The following CDH12 variants were observed in gnomAD, a reference collection of about 807,000 sequenced individuals.
CDH12 encodes the protein cadherin-12.
Under a neutral mutation model 74.1 loss-of-function variants are expected in CDH12, and 41 were observed. The ratio of observed to expected loss-of-function variants is 0.55; its 90% confidence interval spans 0.43 to 0.72. The LOEUF is 0.72. CDH12 is among the 30% of genes least tolerant of loss of function. CDH12 has a pLI of 0.00. For synonymous variants in CDH12, 399 were observed against 355.0 expected (o/e 1.12, Z -1.39); for missense variants, 945 against 977.2 (o/e 0.97, Z 0.44).
At chr5:22,206,298 C>T (rs1297316400) in intron 4 of CDH12, among the ~76,000 whole-genome samples, 2 of 152,084 alleles carry the variant, frequency 1.3e-5, no homozygotes, top group Non-Finnish European at 2.9e-5. Context: ...AAAAAAGATC[C>T]CCAGATAACT....
chr5:22,271,041 C>A (rs933854940), intron 3 of CDH12, among the ~76,000 whole-genome samples: 11 of 152,186 alleles, frequency 7.2e-5, no homozygotes, highest in African/African-American at 2.2e-4. Context: ...TTTTTATATA[C>A]CTTTTTTAAT....
At chr5:21,892,270 T>C (rs981761717) in intron 6 of CDH12, among the ~76,000 whole-genome samples, 7 of 152,168 alleles carry the variant, frequency 4.6e-5, no homozygotes, top group Non-Finnish European at 7.4e-5. Context: ...GGTTTAGTCA[T>C]GTAGATGTTC....
intron 6 of CDH12, among the ~76,000 whole-genome samples, chr5:21,909,383 G>A (rs1389054272): frequency 1.3e-5 from 2 of 152,084 alleles, no homozygotes; most frequent in Non-Finnish European, 2.9e-5. Context: ...GATGCATGAA[G>A]GTAAATCTGA....
At chr5:22,466,260 G>A (rs983651499) in intron 2 of CDH12, among the ~76,000 whole-genome samples, 4 of 152,038 alleles carry the variant, frequency 2.6e-5, no homozygotes, top group Non-Finnish European at 5.9e-5. Context: ...TTTCTCCTTC[G>A]GAATAACAGG....
intron 4 of CDH12, among the ~76,000 whole-genome samples, chr5:22,107,296 T>A (rs1207548088): frequency 7.1e-6 from 1 of 141,282 alleles, no homozygotes; most frequent in East Asian, 2.6e-4. Context: ...CATGCCTGGC[T>A]AATTTTTTTA....
chr5:22,345,355 T>C (rs1211548414), intron 3 of CDH12, among the ~76,000 whole-genome samples: 2 of 152,186 alleles, frequency 1.3e-5, no homozygotes, highest in Non-Finnish European at 2.9e-5. Context: ...AAATTTAATG[T>C]GTAAAGTTCT....
chr5:22,545,800 G>A (rs1738298339), intron 1 of CDH12, among the ~76,000 whole-genome samples: 1 of 152,030 alleles, frequency 6.6e-6, no homozygotes, highest in African/African-American at 2.4e-5. Context: ...TAACTGCTAA[G>A]TACAAGGTGA....
chr5:22,523,987 T>A (rs201804085), intron 1 of CDH12, among the ~76,000 whole-genome samples: 25,389 of 143,582 alleles, frequency 0.18, 2,709 homozygotes, highest in East Asian at 0.37. Context: ...TATTATTTTT[T>A]TTTTTTTTTT....
intron 2 of CDH12, among the ~76,000 whole-genome samples, chr5:22,428,572 C>T (rs1385937639): frequency 5.3e-5 from 8 of 152,034 alleles, no homozygotes; most frequent in African/African-American, 9.7e-5. Flanking sequence ...ACTAGATCAA[C>T]GACAGTGATA....
intron 2 of CDH12, among the ~76,000 whole-genome samples, chr5:22,430,411 T>A (rs1327793735): frequency 6.6e-6 from 1 of 152,176 alleles, no homozygotes; most frequent in East Asian, 1.9e-4. Flanking sequence ...AAATCACATA[T>A]AAATATTTGG....
chr5:22,427,885 A>C (rs1196322810), intron 2 of CDH12, among the ~76,000 whole-genome samples: 1 of 139,340 alleles, frequency 7.2e-6, no homozygotes, highest in Non-Finnish European at 1.5e-5. Context: ...AGCTTCACCC[A>C]AAAAAAAGTC....
At chr5:22,152,598 G>A (rs1391474153) in intron 4 of CDH12, among the ~76,000 whole-genome samples, 1 of 152,148 alleles carries the variant, frequency 6.6e-6, no homozygotes, top group South Asian at 2.1e-4. Flanking sequence ...ATTAACATAG[G>A]TATTGGCTCA....
chr5:22,839,441 C>T (rs1006554981), intron 1 of CDH12, among the ~76,000 whole-genome samples: 9 of 151,342 alleles, frequency 5.9e-5, no homozygotes, highest in Non-Finnish European at 1.3e-4. Flanking sequence ...TCACTGCAAC[C>T]TCTGCCTCCT....
intron 1 of CDH12, among the ~76,000 whole-genome samples, chr5:22,802,491 C>A (rs1748585385): frequency 6.6e-6 from 1 of 152,088 alleles, no homozygotes; most frequent in Non-Finnish European, 1.5e-5. Context: ...AATAATTAGA[C>A]TTCTGTTTGT....
At chr5:22,669,624 T>G (rs542180716) in intron 1 of CDH12, among the ~76,000 whole-genome samples, 1 of 152,322 alleles carries the variant, frequency 6.6e-6, no homozygotes, top group South Asian at 2.1e-4. Flanking sequence ...CTGCATGAAC[T>G]TTTGTCATTT....
At chr5:22,137,603 A>G (rs1428105014) in intron 4 of CDH12, among the ~76,000 whole-genome samples, 1 of 152,050 alleles carries the variant, frequency 6.6e-6, no homozygotes, top group East Asian at 1.9e-4. Flanking sequence ...CCATCCCATC[A>G]ATTTCCCAGG....
chr5:21,855,619 C>CAT (rs773361905), intron 6 of CDH12, among the ~76,000 whole-genome samples: 60 of 150,924 alleles, frequency 4.0e-4, no homozygotes, highest in Middle Eastern at 3.4e-3. Flanking sequence ...ATAAAATAGA[C>CAT]ATATATATAT....
At chr5:22,641,009 C>G (rs1445411923) in intron 1 of CDH12, among the ~76,000 whole-genome samples, 1 of 152,136 alleles carries the variant, frequency 6.6e-6, no homozygotes, top group East Asian at 1.9e-4. Context: ...TTCACTTCAC[C>G]CTCACCTGCT....
At chr5:22,151,299 C>T (rs1231614082) in intron 4 of CDH12, among the ~76,000 whole-genome samples, 1 of 152,024 alleles carries the variant, frequency 6.6e-6, no homozygotes, top group African/African-American at 2.4e-5. Flanking sequence ...ATGTAAATTC[C>T]TGGGACTATT....
Sources: gnomAD v4.1 joint callset for allele counts (sites outside exome capture counted in the v4.1 genomes callset) on GRCh38, gnomAD v4.1.1 for gene constraint, MANE v1.5 for transcripts, NCBI Gene and HGNC (gene_info 2026-07-23, HGNC 2026-07-21) for gene names.